The following PDE4D variants were observed in gnomAD, a reference collection of about 807,000 sequenced individuals.
PDE4D encodes 3',5'-cyclic-AMP phosphodiesterase 4D.
Under a neutral mutation model 87.4 loss-of-function variants are expected in PDE4D, and 24 were observed. The observed-to-expected ratio is 0.27, with a 90% CI of 0.20 to 0.39. The LOEUF is 0.39. Ranked by LOEUF, PDE4D falls within the 10% of genes least tolerant of loss-of-function variation. The probability of loss-of-function intolerance (pLI) is 1.00; values close to 1 mark genes in which losing one functional copy is unlikely to be tolerated. For synonymous variants in PDE4D, 384 were observed against 383.2 expected, an observed-to-expected ratio of 1.00 and a Z score of -0.02; for missense variants, 714 against 1,041.0, an observed-to-expected ratio of 0.69 and a Z score of 4.32.
chr5:60,349,592 T>C lies in PDE4D; in HGVS notation c.-90+138350A>G, dbSNP rs74505907. Among the ~76,000 whole-genome samples the C allele has an allele frequency of 9.8e-3, 1,500 of 152,288 alleles. 20 individuals carry two copies. The highest frequency in any genetic ancestry group is 0.035 in the African/African-American group (1,438 of 41,574). ...GAATACAAACGTCAATCCAATCACT[T>C]ACTTGGGCTGGAAGAAGGTAAGAGG... On this transcript the variant is annotated intron_variant, in intron 1 of 16. Transcript: ENST00000502484.
At chr5:59,764,543 C>A (rs1762545436) in intron 1 of PDE4D, among the ~76,000 whole-genome samples, 1 of 151,676 alleles carries the variant, frequency 6.6e-6, no homozygotes, top group Admixed American at 6.6e-5. Flanking sequence ...AGTAGCTATT[C>A]TTTAAATGGA....
intron 2 of PDE4D, among the ~76,000 whole-genome samples, chr5:60,059,286 T>C (rs1771138601): frequency 6.6e-6 from 1 of 151,996 alleles, no homozygotes; most frequent in Admixed American, 6.6e-5. Context: ...TCTAATCACC[T>C]AACTCCAAGT....
chr5:59,847,950 AT>A (rs922895557), intron 1 of PDE4D, among the ~76,000 whole-genome samples: 1 of 152,068 alleles, frequency 6.6e-6, no homozygotes, highest in Non-Finnish European at 1.5e-5. Context: ...AGGTTCAAGT[AT>A]TTCATTATGT....
intron 1 of PDE4D, among the ~76,000 whole-genome samples, chr5:59,336,052 C>T (rs1777598269): frequency 6.6e-6 from 1 of 152,210 alleles, no homozygotes; most frequent in Non-Finnish European, 1.5e-5. Flanking sequence ...GTAACAACAG[C>T]AGCAAAACGG....
In PDE4D at chr5:58,977,274, A is replaced by G. The variant is rs1020615637; in HGVS notation, c.1624T>C (p.Leu542=). Residue 542 remains leucine (L), a synonymous_variant, in exon 12 of 15, where the codon TTG becomes CTG. Transcript: ENST00000340635. Reference sequence around the variant, plus strand: ...ATGTCACAGTTTTCTTCCTGAAGCAATTTAAAGCCCACAGCCAAATGATGG... The same window carrying G: ...ATGTCACAGTTTTCTTCCTGAAGCAGTTTAAAGCCCACAGCCAAATGATGG... ...ENHHLAVGFK[L]LQEENCDIFQ... 1.2e-6 allele frequency: 2 copies of G among 1,613,008 alleles called. No individual in the cohort carries two copies. The highest frequency in any genetic ancestry group is 2.7e-5 in the African/African-American group (2 of 74,866).
Position 59,963,685 on chromosome 5 carries a change from C to G in PDE4D, c.272+24803G>C, listed in dbSNP as rs150915089. Among the ~76,000 whole-genome samples the G allele has an allele frequency of 3.5e-3, 533 of 152,254 alleles. 2 individuals are homozygous for G. Among genetic ancestry groups the G allele is most frequent in the African/African-American group, 0.012 (513 of 41,548 alleles). ...ACATTACTCTTTCCATTAGTAAAGT[C>G]TATTCCATAGTTATACAGAGTTTTT... On this transcript the variant is annotated intron_variant, in intron 3 of 16. Coordinates refer to the PDE4D transcript ENST00000502484.
intron 1 of PDE4D, among the ~76,000 whole-genome samples, chr5:59,714,315 T>C (rs1446410507): frequency 6.6e-6 from 1 of 152,238 alleles, no homozygotes. Flanking sequence ...CATTGCTGTA[T>C]GACCTGGTCC....
At chr5:59,569,798 C>G (rs1325274566) in intron 1 of PDE4D, among the ~76,000 whole-genome samples, 1 of 152,156 alleles carries the variant, frequency 6.6e-6, no homozygotes, top group African/African-American at 2.4e-5. Flanking sequence ...CTTGCTTCCT[C>G]TCTTGTCACT....
At chr5:59,832,687 TCTAATCTCATTTTTAAAGTTTG>T (rs1331167587) in intron 1 of PDE4D, among the ~76,000 whole-genome samples, 1 of 152,030 alleles carries the variant, frequency 6.6e-6, no homozygotes, top group Non-Finnish European at 1.5e-5. Context: ...AAAGGCAACT[TCTAATCTCATTTTTAAAGTTTG>T]GTACTTTCTA....
At chr5:60,159,305 T>C (rs1211903129) in intron 2 of PDE4D, among the ~76,000 whole-genome samples, 1 of 152,134 alleles carries the variant, frequency 6.6e-6, no homozygotes, top group Non-Finnish European at 1.5e-5. Context: ...AGTTGTTTTA[T>C]GGTTAACTTT....
chr5:59,484,808 T>C (rs966912097), intron 1 of PDE4D, among the ~76,000 whole-genome samples: 2 of 152,208 alleles, frequency 1.3e-5, no homozygotes, highest in Admixed American at 1.3e-4. Context: ...TGAAACCATT[T>C]AGTCATTTGT....
chr5:60,459,962 C>G, intron 1 of PDE4D: 1 of 767,608 alleles, frequency 1.3e-6, no homozygotes, highest in Non-Finnish European at 2.3e-6. Flanking sequence ...TCCTCTTCAT[C>G]ATCATCATCA....
chr5:59,040,792 C>A (rs1274648512), intron 5 of PDE4D, among the ~76,000 whole-genome samples: 1 of 152,164 alleles, frequency 6.6e-6, no homozygotes, highest in East Asian at 1.9e-4. Context: ...GTCTTTGAAT[C>A]TACAGGTATT....
chr5:60,025,389 T>C lies in PDE4D; in HGVS notation c.43-36672A>G, dbSNP rs1334342092. ...GATTTTATTTATTCATCCCAAAGTTTTGAGCTTCTTGAATACCAACCACTA... is the reference window on the plus strand; with the variant it reads ...GATTTTATTTATTCATCCCAAAGTTCTGAGCTTCTTGAATACCAACCACTA... On this transcript the variant is annotated intron_variant, in intron 2 of 16. Transcript: ENST00000502484. Among the ~76,000 whole-genome samples the C allele has an allele frequency of 3.3e-5, 5 of 152,274 alleles. No homozygotes were observed. In the East Asian group the frequency reaches 7.7e-4, roughly 24 times the overall value.
At chr5:59,824,305 A>C (rs1770059006) in intron 1 of PDE4D, among the ~76,000 whole-genome samples, 1 of 152,188 alleles carries the variant, frequency 6.6e-6, no homozygotes, top group Non-Finnish European at 1.5e-5. Context: ...CTTCTAGTAC[A>C]TGTCCACTGG....
rs185783731 is a variant in PDE4D at position 60,292,722 on chromosome 5, C to G, written c.-89-107035G>C. ...AAATGTAGATGTGTTTCTAATTAGA[C>G]GAACAGGTCCTCTCCCCCTTCCCCA... On this transcript the variant is annotated intron_variant, in intron 1 of 16. Coordinates refer to the PDE4D transcript ENST00000502484. 1.6e-3 allele frequency among the ~76,000 whole-genome samples: 244 copies of G among 152,232 alleles called. 3 individuals carry two copies. Among genetic ancestry groups the G allele is most frequent in the Non-Finnish European group, 2.0e-3 (136 of 68,008 alleles).
chr5:60,230,760 T>G (rs1035125905), intron 1 of PDE4D, among the ~76,000 whole-genome samples: 1 of 152,132 alleles, frequency 6.6e-6, no homozygotes, highest in Non-Finnish European at 1.5e-5. Flanking sequence ...ACCACTATTT[T>G]GTTTACACAA....
In PDE4D at chr5:60,056,833, T is replaced by C. The variant is rs563082157; in HGVS notation, c.43-68116A>G. On this transcript the variant is annotated intron_variant, in intron 2 of 16. Coordinates refer to the PDE4D transcript ENST00000502484. ...GCACGTGCACAAGTATGCAAACACA[T>C]ACACACACAAACATGAGCTCTAATT... Among the ~76,000 whole-genome samples, 8 of 152,092 alleles carry C rather than the reference T, an allele frequency of 5.3e-5. No individual in the cohort carries two copies. In the South Asian group the frequency reaches 1.2e-3, roughly 24 times the overall value.
intron 1 of PDE4D, among the ~76,000 whole-genome samples, chr5:59,398,156 G>A (rs1227672067): frequency 2.8e-5 from 4 of 144,580 alleles, no homozygotes; most frequent in Non-Finnish European, 6.0e-5. Context: ...GAGGTACAAG[G>A]AGGAACTGGT....
Sources: allele counts gnomAD v4.1 joint callset (sites outside exome capture counted in the v4.1 genomes callset), GRCh38; gene constraint gnomAD v4.1.1; transcripts MANE v1.5; gene names NCBI Gene and HGNC (gene_info 2026-07-23, HGNC 2026-07-21).